AGL: variants seen among roughly 807,000 people sequenced by gnomAD.
AGL encodes glycogen debranching enzyme.
AGL carries 128 observed loss-of-function variants against 199.3 expected under a neutral mutation model. The ratio of observed to expected loss-of-function variants is 0.64; its 90% CI spans 0.56 to 0.74. The LOEUF (loss-of-function observed/expected upper bound fraction) is 0.74, where lower values mean the gene tolerates loss of function less well. AGL is among the 30% of genes least tolerant of loss of function. AGL has a pLI of 0.00. For synonymous variants in AGL, 584 were observed against 594.7 expected, an observed-to-expected ratio of 0.98 and a Z score of 0.26; for missense variants, 1,809 against 1,820.8, an observed-to-expected ratio of 0.99 and a Z score of 0.12.
Position 99,892,544 on chromosome 1 carries a change from G to A in AGL, c.3196G>A (p.Val1066Ile). ...AATTCTTTCACCTGCCCTAATGGATGTACCTTATAGGTTAAATGAGATCAC... is the reference window on the plus strand; with the variant it reads ...AATTCTTTCACCTGCCCTAATGGATATACCTTATAGGTTAAATGAGATCAC... ...LPILSPALMD[V>I]PYRLNEITKE... The change falls in exon 24 of 34, where the codon GTA becomes ATA. Residue 1066 changes from valine to isoleucine, a missense_variant. Coordinates refer to ENST00000361915, the MANE Select transcript of AGL (RefSeq NM_000642.3). 1 of 1,613,582 alleles carries A rather than the reference G, an allele frequency of 6.2e-7. No individual in the cohort carries two copies. The highest frequency in any genetic ancestry group is 1.1e-5 in the South Asian group (1 of 91,062).
chr1:99,918,468 G>T (rs1016775884), intron 33 of AGL, among the ~76,000 whole-genome samples: 1 of 152,002 alleles, frequency 6.6e-6, no homozygotes, highest in Non-Finnish European at 1.5e-5. Flanking sequence ...ATATCACCCT[G>T]CTTCTTTGCT....
chr1:99,886,254 T>C (rs148283925), intron 20 of AGL, among the ~76,000 whole-genome samples: 4,247 of 152,204 alleles, frequency 0.028, 65 homozygotes, highest in South Asian at 0.068. Context: ...GGTGGGAGGA[T>C]TGCTTGAGCC....
chr1:99,893,320 A>G (rs1404275126), intron 24 of AGL, among the ~76,000 whole-genome samples: 1 of 152,236 alleles, frequency 6.6e-6, no homozygotes, highest in East Asian at 1.9e-4. Context: ...ACCAGATAAA[A>G]AGACTTAGTG....
chr1:99,884,954 A>G (rs1652342176), intron 20 of AGL, among the ~76,000 whole-genome samples: 2 of 152,194 alleles, frequency 1.3e-5, no homozygotes, highest in Non-Finnish European at 2.9e-5. Flanking sequence ...ACATGCATGC[A>G]TCTCTGTATA....
chr1:99,859,819 G>A (rs1246942445), intron 2 of AGL, among the ~76,000 whole-genome samples: 3 of 152,190 alleles, frequency 2.0e-5, no homozygotes, highest in Non-Finnish European at 4.4e-5. Context: ...TGAGATTACA[G>A]GCGTGAGCTA....
chr1:99,885,112 A>G (rs1652356197), intron 20 of AGL, among the ~76,000 whole-genome samples: 1 of 152,182 alleles, frequency 6.6e-6, no homozygotes, highest in South Asian at 2.1e-4. Context: ...TTGGACATCT[A>G]GATTGCTTCT....
At chr1:99,892,367 A>G (rs1045312709) in intron 23 of AGL, 65 bp from the exon 24 acceptor site, 30 of 1,425,166 alleles carry the variant, frequency 2.1e-5, no homozygotes, top group African/African-American at 7.1e-5. Flanking sequence ...GAAAGAAACC[A>G]AGTAAAATAA....
intron 33 of AGL, among the ~76,000 whole-genome samples, chr1:99,916,951 G>A (rs902052713): frequency 5.3e-5 from 8 of 151,988 alleles, no homozygotes; most frequent in African/African-American, 1.2e-4. Context: ...GATATTGTGC[G>A]ATTTATACAT....
chr1:99,874,944 T>G (rs1222991190), intron 8 of AGL, 134 bp downstream of exon 8: 2 of 1,221,184 alleles, frequency 1.6e-6, no homozygotes, highest in Non-Finnish European at 2.3e-6. Flanking sequence ...TTCTACTATT[T>G]CAGCACATGA....
chr1:99,865,141 C>G (rs926989982), intron 5 of AGL, among the ~76,000 whole-genome samples: 1 of 151,932 alleles, frequency 6.6e-6, no homozygotes, highest in African/African-American at 2.4e-5. Flanking sequence ...GCTCAGTTAT[C>G]AGATAAAAAA....
At chr1:99,865,898 A>G (rs147493669) in intron 5 of AGL, among the ~76,000 whole-genome samples, 525 of 152,324 alleles carry the variant, frequency 3.4e-3, no homozygotes, top group African/African-American at 0.012. Context: ...TTCTGCATGT[A>G]CCTAGAAACC....
intron 2 of AGL, among the ~76,000 whole-genome samples, chr1:99,853,743 G>T (rs1258015802): frequency 6.6e-6 from 1 of 152,106 alleles, no homozygotes; most frequent in Non-Finnish European, 1.5e-5. Context: ...AACAAAATTA[G>T]CTGGGCATGA....
rs868699590 is a variant in AGL, at chr1:99,892,523, C to T, written c.3175C>T (p.Leu1059Phe). The T allele has an allele frequency of 3.1e-6, 5 of 1,613,654 alleles. No individual in the cohort carries two copies. In the African/African-American group the frequency reaches 4.0e-5, roughly 13 times the overall value. The stretch of plus-strand genomic sequence containing the variant: ...AGGAAAATTCCCTTCCCTGCCAATT[C>T]TTTCACCTGCCCTAATGGATGTACC... Reference protein sequence around the residue: ...GVGKFPSLPILSPALMDVPYR... With the variant: ...GVGKFPSLPIFSPALMDVPYR... The change falls in exon 24 of 34, where the codon CTT (leucine) becomes TTT (phenylalanine). Residue 1059 changes from leucine to phenylalanine, a missense_variant. By Grantham distance (22) the Leu-to-Phe change is conservative. Coordinates refer to ENST00000361915, the MANE Select transcript of AGL (RefSeq NM_000642.3).
chr1:99,874,724 C>T lies in AGL; in HGVS notation c.996C>T (p.His332=), dbSNP rs780811320. The change falls in exon 8 of 34, where the codon CAC becomes CAT. Residue 332 remains histidine, a synonymous_variant. Transcript: ENST00000361915. ...TAACCAAGTCTGATCCAAACCAACACCTTACGATTATTCAAGATCCTGAAT... is the reference window on the plus strand; with the variant it reads ...TAACCAAGTCTGATCCAAACCAACATCTTACGATTATTCAAGATCCTGAAT... ...RRVTKSDPNQ[H]LTIIQDPEYR... 1 of 1,613,508 alleles carries T rather than the reference C, an allele frequency of 6.2e-7. No homozygotes were observed. Among genetic ancestry groups the T allele is most frequent in the Non-Finnish European group, 8.5e-7 (1 of 1,179,522 alleles).
intron 2 of AGL, among the ~76,000 whole-genome samples, chr1:99,852,911 A>T (rs1194648366): frequency 6.6e-6 from 1 of 152,170 alleles, no homozygotes; most frequent in Non-Finnish European, 1.5e-5. Flanking sequence ...GATATGCTTA[A>T]ATCTAGCATG....
chr1:99,866,583 C>G (rs950131517), intron 5 of AGL, among the ~76,000 whole-genome samples: 2 of 152,064 alleles, frequency 1.3e-5, no homozygotes, highest in African/African-American at 4.8e-5. Flanking sequence ...GCAGCGTAGT[C>G]TTGAGTTTGT....
chr1:99,894,744 C>A (rs1377131856), intron 24 of AGL, among the ~76,000 whole-genome samples: 2 of 152,034 alleles, frequency 1.3e-5, no homozygotes, highest in African/African-American at 2.4e-5. Context: ...TAGTCAAATT[C>A]TTTCACTTTT....
chr1:99,872,715 G>T (rs1462358137), intron 7 of AGL, among the ~76,000 whole-genome samples: 2 of 152,072 alleles, frequency 1.3e-5, no homozygotes, highest in Non-Finnish European at 2.9e-5. Flanking sequence ...TTTTAGTAGA[G>T]ACGGGGTTTC....
At chr1:99,891,078 G>T (rs1390980496) in intron 21 of AGL, 142 bp from the exon 22 acceptor site, 1 of 967,418 alleles carries the variant, frequency 1.0e-6, no homozygotes, top group Admixed American at 1.9e-5. Context: ...GCAGTGTTGT[G>T]GACTGGGTAG....
Sources: gnomAD v4.1 joint callset for allele counts (sites outside exome capture counted in the v4.1 genomes callset) on GRCh38, gnomAD v4.1.1 for gene constraint, MANE v1.5 for transcripts, NCBI Gene and HGNC (gene_info 2026-07-23, HGNC 2026-07-21) for gene names.